The following UBE3B variants were observed in gnomAD, a reference collection of about 807,000 sequenced individuals.
UBE3B encodes the protein ubiquitin protein ligase E3B.
A neutral mutation model predicts 132.3 loss-of-function variants in UBE3B; 80 were observed. That is an observed-to-expected ratio of 0.60 (90% confidence interval 0.50 to 0.73). UBE3B has a LOEUF of 0.73. Ranked by LOEUF, UBE3B falls within the 30% of genes least tolerant of loss-of-function variation. UBE3B has a pLI of 0.00. For synonymous variants in UBE3B, 487 were observed against 520.4 expected, an observed-to-expected ratio of 0.94 and a Z score of 0.87; for missense variants, 1,196 against 1,362.5, an observed-to-expected ratio of 0.88 and a Z score of 1.92.
chr12:109,503,164 C>T lies in UBE3B; in HGVS notation c.1424C>T (p.Thr475Ile). The T allele has an allele frequency of 6.2e-7, 1 of 1,614,226 alleles. No homozygotes were observed. The highest frequency in any genetic ancestry group is 1.1e-5 in the South Asian group (1 of 91,082). Residue 475 changes from threonine to isoleucine, a missense_variant, in exon 14 of 28, where the codon ACA becomes ATA. By Grantham distance (89) the Thr-to-Ile change is moderately conservative. Coordinates refer to ENST00000342494, the MANE Select transcript of UBE3B (RefSeq NM_130466.4). ...TACCAGACCTCGCTGACAACTCTCA[C>T]ACAGATTCGGCTGCAGATACTCACA... is the stretch of plus-strand genomic sequence containing the variant. ...VLYQTSLTTL[T>I]QIRLQILTGL...
chr12:109,479,453 G>A (rs914642723), intron 1 of UBE3B, among the ~76,000 whole-genome samples: 3 of 152,208 alleles, frequency 2.0e-5, no homozygotes, highest in African/African-American at 4.8e-5. Context: ...AGGAAACTGA[G>A]GCCTAGAGAG....
At chr12:109,519,103 T>A (rs117685852) in intron 19 of UBE3B, among the ~76,000 whole-genome samples, 1,849 of 152,304 alleles carry the variant, frequency 0.012, 29 homozygotes, top group African/African-American at 0.037. Flanking sequence ...GGAACTCTAG[T>A]ATTCAGAACC....
chr12:109,529,817 T>C (rs1471541547), intron 24 of UBE3B, 73 bp from the exon 25 acceptor site: 18 of 1,554,798 alleles, frequency 1.2e-5, no homozygotes, highest in Non-Finnish European at 1.4e-5. Flanking sequence ...GACTAGACTG[T>C]CTTTCAGCCC....
chr12:109,533,824 G>A (rs998381367), intron 27 of UBE3B: 24 of 983,918 alleles, frequency 2.4e-5, no homozygotes, highest in Admixed American at 1.9e-4. Flanking sequence ...GGGTGGGTAC[G>A]TGCTGTTTTT....
intron 2 of UBE3B, among the ~76,000 whole-genome samples, chr12:109,482,865 T>G (rs768092150): frequency 1.3e-5 from 2 of 152,250 alleles, no homozygotes; most frequent in Non-Finnish European, 2.9e-5. Flanking sequence ...AGGATGGTAA[T>G]TGTAAGGACA....
At chr12:109,483,490 C>T (rs928669809) in intron 2 of UBE3B, 41 bp from the exon 3 acceptor site, 13 of 1,503,046 alleles carry the variant, frequency 8.6e-6, no homozygotes, top group Non-Finnish European at 1.2e-5. Flanking sequence ...GTGTTTTTCA[C>T]ACAACAATCT....
At chr12:109,489,313 A>G (rs1202204922) in intron 7 of UBE3B, among the ~76,000 whole-genome samples, 1 of 152,192 alleles carries the variant, frequency 6.6e-6, no homozygotes, top group East Asian at 1.9e-4. Context: ...CATGCAAGAG[A>G]AATGAGAGTG....
intron 14 of UBE3B, among the ~76,000 whole-genome samples, chr12:109,504,154 G>A (rs964196190): frequency 2.0e-5 from 3 of 152,238 alleles, no homozygotes; most frequent in Non-Finnish European, 4.4e-5. Flanking sequence ...CTCAGCCTTA[G>A]CATTATGGAT....
chr12:109,505,831 A>G (rs1879592203), intron 14 of UBE3B, among the ~76,000 whole-genome samples: 1 of 152,186 alleles, frequency 6.6e-6, no homozygotes, highest in Non-Finnish European at 1.5e-5. Context: ...TGGCTAATAT[A>G]CCTTCCCCAA....
downstream of UBE3B, among the ~76,000 whole-genome samples, chr12:109,538,585 G>T (rs1883537592): frequency 1.3e-5 from 2 of 152,230 alleles, no homozygotes; most frequent in South Asian, 4.1e-4. The surrounding 1 kb of genome is among the most constrained non-coding windows in gnomAD (Gnocchi z 4.1). Flanking sequence ...GCATCCGTTA[G>T]TCCTCTTCCT....
At chr12:109,528,889 T>TACC (rs1882661158) in intron 24 of UBE3B, among the ~76,000 whole-genome samples, 2 of 149,680 alleles carry the variant, frequency 1.3e-5, no homozygotes, top group Non-Finnish European at 3.0e-5. Context: ...CCAGGCGTGG[T>TACC]GGCTCACATC....
chr12:109,525,550 T>C (rs1481893007), intron 23 of UBE3B, among the ~76,000 whole-genome samples: 1 of 152,208 alleles, frequency 6.6e-6, no homozygotes, highest in Non-Finnish European at 1.5e-5. Flanking sequence ...GCTGTAGGGT[T>C]ATAGAATCTT....
intron 19 of UBE3B, among the ~76,000 whole-genome samples, chr12:109,517,212 G>C (rs1280000462): frequency 6.6e-6 from 1 of 152,170 alleles, no homozygotes; most frequent in Non-Finnish European, 1.5e-5. Flanking sequence ...ACACTCTCAG[G>C]TCTGTGCAAA....
At chr12:109,528,392 C>A in intron 24 of UBE3B, 1 of 985,220 alleles carries the variant, frequency 1.0e-6, no homozygotes, top group Non-Finnish European at 1.2e-6. Flanking sequence ...ATAGGAAAAT[C>A]GTATTTGTAT....
chr12:109,547,324 A>C, the UBE3B span, among the ~76,000 whole-genome samples: 1 of 152,224 alleles, frequency 6.6e-6, no homozygotes, highest in South Asian at 2.1e-4. The surrounding 1 kb of genome is among the most constrained non-coding windows in gnomAD (Gnocchi z 4.1). Context: ...AAGCTTGCAA[A>C]ATTGGGATGA....
At chr12:109,491,586 T>G (rs772794700) in intron 9 of UBE3B, 1 of 153,894 alleles carries the variant, frequency 6.5e-6, no homozygotes, top group Non-Finnish European at 1.4e-5. Flanking sequence ...TTTGGAGATG[T>G]CAGGTACTGA....
Position 109,534,162 on chromosome 12 carries a change from A to G in UBE3B, c.3016-429A>G. ...GTGATGCCACCTTGTACAGGAAGCT[A>G]CACAGTCCTCGGCCTCCATGCTTAA... On this transcript the variant is annotated intron_variant, in intron 27 of 27. Transcript: ENST00000342494. The surrounding 1 kb of genome is among the most constrained non-coding windows in gnomAD (Gnocchi z 5.2). 2 of 1,269,210 alleles carry G rather than the reference A, an allele frequency of 1.6e-6. No individual in the cohort carries two copies. Among genetic ancestry groups the G allele is most frequent in the Admixed American group, 5.0e-5 (2 of 40,336 alleles). 78.6% of individuals were successfully genotyped at this position (1,269,210 alleles called of 1,614,324 possible).
At chr12:109,503,843 T>G (rs1879317799) in intron 14 of UBE3B, among the ~76,000 whole-genome samples, 1 of 152,244 alleles carries the variant, frequency 6.6e-6, no homozygotes, top group Non-Finnish European at 1.5e-5. Context: ...TGGAAGCCTT[T>G]TATTACATGA....
chr12:109,511,953 C>T (rs1351625116), intron 18 of UBE3B, among the ~76,000 whole-genome samples: 1 of 152,136 alleles, frequency 6.6e-6, no homozygotes, highest in Non-Finnish European at 1.5e-5. Flanking sequence ...AGAGAATGGT[C>T]ACATCCCAAG....
Sources: allele counts gnomAD v4.1 joint callset (sites outside exome capture counted in the v4.1 genomes callset), GRCh38; gene constraint gnomAD v4.1.1; non-coding constraint Gnocchi (gnomAD v3.1); transcripts MANE v1.5; gene names NCBI Gene and HGNC (gene_info 2026-07-23, HGNC 2026-07-21).